DCC: variants seen among roughly 807,000 people sequenced by gnomAD.
The protein encoded by DCC is DCC netrin 1 receptor.
DCC carries 58 observed loss-of-function variants against 172.5 expected under a neutral mutation model. The observed-to-expected ratio is 0.34, with a 90% CI of 0.27 to 0.42. The LOEUF (loss-of-function observed/expected upper bound fraction) is 0.42. Ranked by LOEUF, DCC falls within the 10% of genes least tolerant of loss-of-function variation. The pLI is 1.00. For missense variants in DCC, 1,740 were observed against 1,791.0 expected, an observed-to-expected ratio of 0.97 and a Z score of 0.51; for synonymous variants, 709 against 644.5, an observed-to-expected ratio of 1.10 and a Z score of -1.52.
intron 15 of DCC, among the ~76,000 whole-genome samples, chr18:53,371,907 A>G (rs551807221): frequency 1.3e-5 from 2 of 152,208 alleles, no homozygotes; most frequent in Admixed American, 6.6e-5. Context: ...CAAAACCACA[A>G]TGAGATACTG....
intron 12 of DCC, among the ~76,000 whole-genome samples, chr18:53,289,139 A>G (rs1203673608): frequency 1.5e-5 from 2 of 137,598 alleles, no homozygotes; most frequent in African/African-American, 5.5e-5. Context: ...ATTTAGTGGT[A>G]AGAATATCTG....
intron 1 of DCC, among the ~76,000 whole-genome samples, chr18:52,743,896 G>A (rs2036866050): frequency 6.6e-6 from 1 of 152,182 alleles, no homozygotes; most frequent in Admixed American, 6.5e-5. Context: ...GAGAATATTT[G>A]GTGGTGTTGC....
At chr18:52,852,041 C>T (rs2145341691) in intron 2 of DCC, among the ~76,000 whole-genome samples, 1 of 152,088 alleles carries the variant, frequency 6.6e-6, no homozygotes, top group South Asian at 2.1e-4. Flanking sequence ...TTTATTTTTC[C>T]AAATTTCAAT....
At chr18:53,305,514 C>T in intron 12 of DCC, 64 bp from the exon 13 acceptor site, 2 of 1,410,148 alleles carry the variant, frequency 1.4e-6, no homozygotes, top group Non-Finnish European at 2.0e-6. Context: ...TGGGTTACTT[C>T]TTTGACCCTG....
rs149006240 is a variant in DCC, at chr18:52,515,255, G to T, written c.91+174377G>T. ...TGTGTATCCATAGCCAAAAATATAA[G>T]AAATAAAAAATGAACCTCCACGTAT... On this transcript the variant is annotated intron_variant, in intron 1 of 28. Transcript: ENST00000442544. 4.1e-3 allele frequency among the ~76,000 whole-genome samples: 628 copies of T among 152,086 alleles called. 7 individuals carry two copies. Among genetic ancestry groups the T allele is most frequent in the African/African-American group, 0.014 (584 of 41,506 alleles).
chr18:53,278,242 T>A (rs1449160978), intron 12 of DCC, among the ~76,000 whole-genome samples: 2 of 152,148 alleles, frequency 1.3e-5, no homozygotes, highest in Non-Finnish European at 2.9e-5. Context: ...GTCTAGAATG[T>A]GAGAACGTGT....
intron 15 of DCC, among the ~76,000 whole-genome samples, chr18:53,371,055 A>G (rs1233528631): frequency 6.6e-6 from 1 of 151,914 alleles, no homozygotes; most frequent in Non-Finnish European, 1.5e-5. Flanking sequence ...AAATTATAGC[A>G]TGACCTTTTG....
intron 12 of DCC, among the ~76,000 whole-genome samples, chr18:53,296,509 G>A (rs1018762136): frequency 1.3e-5 from 2 of 152,152 alleles, no homozygotes; most frequent in Non-Finnish European, 2.9e-5. Context: ...CAAATTCAGG[G>A]TCACACACTG....
At chr18:53,344,642 A>G (rs530558469) in intron 15 of DCC, among the ~76,000 whole-genome samples, 3 of 151,084 alleles carry the variant, frequency 2.0e-5, no homozygotes, top group Non-Finnish European at 4.4e-5. Context: ...GGGTTGCACA[A>G]TCTTGTCCAT....
chr18:52,643,237 C>G (rs927595883), intron 1 of DCC, among the ~76,000 whole-genome samples: 4 of 152,142 alleles, frequency 2.6e-5, no homozygotes, highest in African/African-American at 9.7e-5. Context: ...AAGGTTCAGA[C>G]AAGAAGATTT....
intron 2 of DCC, among the ~76,000 whole-genome samples, chr18:52,837,753 G>A (rs1429964333): frequency 6.6e-6 from 1 of 152,072 alleles, no homozygotes; most frequent in Non-Finnish European, 1.5e-5. Context: ...TATAATAGCT[G>A]CACCTTATTT....
chr18:53,086,124 C>T (rs1179749750), intron 7 of DCC, among the ~76,000 whole-genome samples: 1 of 19,106 alleles, frequency 5.2e-5, no homozygotes, highest in East Asian at 7.6e-4. Context: ...CCTCCTCCTC[C>T]TCCTCCTCCT....
intron 16 of DCC, among the ~76,000 whole-genome samples, chr18:53,390,561 T>A (rs72931303): frequency 4.1e-3 from 621 of 152,330 alleles, no homozygotes; most frequent in Middle Eastern, 6.8e-3. Context: ...CACATATTAT[T>A]TTTCTTAGAA....
chr18:53,387,770 C>T (rs956046141), intron 16 of DCC, among the ~76,000 whole-genome samples: 1 of 152,228 alleles, frequency 6.6e-6, no homozygotes, highest in Admixed American at 6.5e-5. Context: ...CCAGTAGCCG[C>T]TCATTGCCAT....
chr18:53,099,935 C>CTTTTTTTTTTTTTTTT (rs1476054809), intron 7 of DCC, among the ~76,000 whole-genome samples: 1 of 117,118 alleles, frequency 8.5e-6, no homozygotes, highest in African/African-American at 3.8e-5. Context: ...CTTTTCTTTT[C>CTTTTTTTTTTTTTTTT]TTTCTTTCTT....
intron 5 of DCC, among the ~76,000 whole-genome samples, chr18:52,950,125 T>G (rs1266739190): frequency 6.6e-6 from 1 of 152,218 alleles, no homozygotes; most frequent in Non-Finnish European, 1.5e-5. Flanking sequence ...ATCTTCCTGA[T>G]AATCTACGTG....
intron 2 of DCC, among the ~76,000 whole-genome samples, chr18:52,849,287 T>G (rs1433123486): frequency 2.0e-5 from 3 of 152,174 alleles, no homozygotes; most frequent in African/African-American, 7.2e-5. Context: ...CATGCCTACC[T>G]CAGTTAATTA....
At chr18:52,659,360 G>T (rs928558003) in intron 1 of DCC, among the ~76,000 whole-genome samples, 3 of 152,164 alleles carry the variant, frequency 2.0e-5, no homozygotes, top group African/African-American at 7.2e-5. Flanking sequence ...ATATATTATT[G>T]CCTGGAGGGA....
At chr18:53,278,814 T>A (rs2056835218) in intron 12 of DCC, among the ~76,000 whole-genome samples, 1 of 152,142 alleles carries the variant, frequency 6.6e-6, no homozygotes, top group Non-Finnish European at 1.5e-5. Context: ...GTGTTGTTAC[T>A]CCCATTGTGT....
Sources: allele counts gnomAD v4.1 joint callset (sites outside exome capture counted in the v4.1 genomes callset), GRCh38; gene constraint gnomAD v4.1.1; transcripts MANE v1.5; gene names NCBI Gene and HGNC (gene_info 2026-07-23, HGNC 2026-07-21).